The following ASS1 variants were observed in gnomAD, a reference collection of about 807,000 sequenced individuals.
ASS1 encodes argininosuccinate synthase 1.
Under a neutral mutation model 60.5 loss-of-function variants are expected in ASS1, and 58 were observed. That is an observed-to-expected ratio of 0.96 (90% CI 0.78 to 1.19). The LOEUF (loss-of-function observed/expected upper bound fraction) is 1.19, where lower values mean the gene tolerates loss of function less well. ASS1 is among the 50% of genes most tolerant of loss of function. The pLI is 0.00. For missense variants in ASS1, 454 were observed against 547.3 expected, an observed-to-expected ratio of 0.83 and a Z score of 1.70; for synonymous variants, 200 against 206.9, an observed-to-expected ratio of 0.97 and a Z score of 0.29.
At chr9:130,460,409 A>T (rs1457736792) in intron 4 of ASS1, among the ~76,000 whole-genome samples, 2 of 152,174 alleles carry the variant, frequency 1.3e-5, no homozygotes, top group African/African-American at 2.4e-5. Flanking sequence ...TCTTGGGCTC[A>T]TTGCGTACCT....
intron 3 of ASS1, among the ~76,000 whole-genome samples, chr9:130,456,376 G>T (rs1009405688): frequency 6.6e-6 from 1 of 152,104 alleles, no homozygotes; most frequent in Non-Finnish European, 1.5e-5. Context: ...TGAGGCAGGA[G>T]AGTCGCTTGA....
intron 2 of ASS1, among the ~76,000 whole-genome samples, chr9:130,452,877 C>A (rs1588471575): frequency 6.6e-6 from 1 of 152,236 alleles, no homozygotes; most frequent in Non-Finnish European, 1.5e-5. Flanking sequence ...TTCGACTGAA[C>A]CTGGCCACAG....
intron 8 of ASS1, among the ~76,000 whole-genome samples, chr9:130,474,381 T>C (rs1165834781): frequency 6.6e-6 from 1 of 152,110 alleles, no homozygotes; most frequent in Non-Finnish European, 1.5e-5. Context: ...CAGCCTCCAC[T>C]TCGGTCTGGG....
chr9:130,473,748 C>G (rs527763455), intron 8 of ASS1, among the ~76,000 whole-genome samples: 1 of 152,260 alleles, frequency 6.6e-6, no homozygotes, highest in African/African-American at 2.4e-5. Context: ...GATGGCTGAG[C>G]CATTTTCTGC....
At position 130,464,011 on chromosome 9, in the gene ASS1, G is replaced by A; in HGVS notation, c.364-100G>A. ...CTCACATGTGTACACGCTCTGCCCA[G>A]CTCTGTCTCCGCCACGGGCTGTCCT... is the stretch of plus-strand genomic sequence containing the variant. On this transcript the variant is annotated intron_variant, in intron 4 of 14. Coordinates refer to ENST00000352480, the MANE Select transcript of ASS1 (RefSeq NM_054012.4). The A allele has an allele frequency of 2.3e-6, 3 of 1,316,944 alleles. No individual in the cohort carries two copies. The South Asian group carries it at 3.6e-5, about 16-fold the overall frequency. The allele number at this position is 1,316,944 out of a possible 1,614,324, so 81.6% of individuals were successfully genotyped here. A position where few individuals can be genotyped will look rare whatever the true frequency, so the allele number is the denominator to read the frequency against.
chr9:130,454,270 G>C, intron 2 of ASS1, 35 bp from the exon 3 acceptor site: 1 of 1,599,988 alleles, frequency 6.3e-7, no homozygotes, highest in Middle Eastern at 2.2e-4. Flanking sequence ...GCTCCCCCCA[G>C]GGGCTGACGG....
intron 1 of ASS1, among the ~76,000 whole-genome samples, chr9:130,448,643 A>C (rs1455196766): frequency 6.6e-6 from 1 of 152,110 alleles, no homozygotes; most frequent in African/African-American, 2.4e-5. Flanking sequence ...GGCTCACTGC[A>C]ACCTTTACCT....
chr9:130,463,668 G>C (rs1421523089), intron 4 of ASS1, among the ~76,000 whole-genome samples: 1 of 152,202 alleles, frequency 6.6e-6, no homozygotes, highest in African/African-American at 2.4e-5. Flanking sequence ...GAGGTGACAG[G>C]GTTCCCAAAT....
At chr9:130,467,430 A>G (rs1477639407) in intron 6 of ASS1, among the ~76,000 whole-genome samples, 1 of 152,114 alleles carries the variant, frequency 6.6e-6, no homozygotes, top group East Asian at 1.9e-4. Flanking sequence ...GCCTCAATCA[A>G]TCAGGCCGGG....
In ASS1 at chr9:130,494,551, G is replaced by C. The variant is rs1460181994; in HGVS notation, c.971-316G>C. On this transcript the variant is annotated intron_variant, in intron 12 of 14. Transcript: ENST00000352480. The surrounding 1 kb of genome is among the most constrained non-coding windows in gnomAD (Gnocchi z 4.3). ...GGGTCCCTTTACCACTGTGTCCCCA[G>C]TTGCTGGCCTGTGGCACTTCCTGAA... 6.6e-6 allele frequency among the ~76,000 whole-genome samples: 1 copy of C among 152,244 alleles called. No homozygotes were observed. Among genetic ancestry groups the C allele is most frequent in the Non-Finnish European group, 1.5e-5 (1 of 68,044 alleles).
At chr9:130,492,696 A>G (rs767774251) in intron 12 of ASS1, among the ~76,000 whole-genome samples, 1 of 152,218 alleles carries the variant, frequency 6.6e-6, no homozygotes, top group Non-Finnish European at 1.5e-5. Context: ...TTCAGCAATA[A>G]AATGGGTATA....
chr9:130,476,511 G>A lies in ASS1; in HGVS notation c.598-360G>A, dbSNP rs1485475611. The A allele has an allele frequency of 4.7e-6, 2 of 422,146 alleles. No homozygotes were observed. The highest frequency in any genetic ancestry group is 7.1e-5 in the Admixed American group (2 of 28,286). The allele number at this position is 422,146 out of a possible 1,614,324, so 26.2% of individuals were successfully genotyped here. A position where few individuals can be genotyped will look rare whatever the true frequency, so the allele number is the denominator to read the frequency against. ...AAACCCCAATCCCGAGCCGGCGAGAGCGTGCGTGCCGCTCCTGGGAAGCCC... is the reference window on the plus strand; with the variant it reads ...AAACCCCAATCCCGAGCCGGCGAGAACGTGCGTGCCGCTCCTGGGAAGCCC... On this transcript the variant is annotated intron_variant, in intron 8 of 14. Coordinates refer to ENST00000352480, the MANE Select transcript of ASS1 (RefSeq NM_054012.4). The surrounding 1 kb of genome is among the most constrained non-coding windows in gnomAD (Gnocchi z 4.9).
chr9:130,479,657 G>T, intron 9 of ASS1, 59 bp from the exon 10 acceptor site: 2 of 1,379,418 alleles, frequency 1.4e-6, no homozygotes, highest in Non-Finnish European at 2.1e-6. Context: ...GGGGTGGCGG[G>T]TGCAGACTCC....
intron 3 of ASS1, among the ~76,000 whole-genome samples, chr9:130,457,525 C>A (rs1180058774): frequency 6.6e-6 from 1 of 152,152 alleles, no homozygotes; most frequent in African/African-American, 2.4e-5. Context: ...TCATTGGGAA[C>A]CCCTGGGGGT....
Position 130,470,937 on chromosome 9 carries a change from C to G in ASS1, c.566+33C>G, listed in dbSNP as rs1249558277. The G allele has an allele frequency of 1.2e-6, 2 of 1,609,970 alleles. No homozygotes were observed. The highest frequency in any genetic ancestry group is 1.7e-6 in the Non-Finnish European group (2 of 1,176,524). On this transcript the variant is annotated intron_variant, in intron 7 of 14. Coordinates refer to ENST00000352480, the MANE Select transcript of ASS1 (RefSeq NM_054012.4). The surrounding 1 kb of genome is among the most constrained non-coding windows in gnomAD (Gnocchi z 4.3). ...CCACCCTCCACCCATCCTTGGTCCT[C>G]CCGGGCTCATTCCAAAGGACGGCCA...
intron 6 of ASS1, among the ~76,000 whole-genome samples, chr9:130,469,867 G>T (rs1276929423): frequency 1.3e-5 from 2 of 152,188 alleles, no homozygotes; most frequent in African/African-American, 4.8e-5. Flanking sequence ...CCCGGTGGGG[G>T]CTGCCTGTGG....
At chr9:130,490,434 C>T (rs999755864) in intron 12 of ASS1, among the ~76,000 whole-genome samples, 1 of 152,150 alleles carries the variant, frequency 6.6e-6, no homozygotes, top group Non-Finnish European at 1.5e-5. Context: ...CTGCCTGAGC[C>T]TGCTGAGTGA....
At chr9:130,451,997 TC>T (rs1354182315) in intron 1 of ASS1, 2 of 669,614 alleles carry the variant, frequency 3.0e-6, no homozygotes, top group Non-Finnish European at 5.5e-6. Context: ...CAGTCAGCAT[TC>T]CCAGGCCCCA....
chr9:130,465,503 G>A (rs1051707167), intron 5 of ASS1, among the ~76,000 whole-genome samples: 4 of 152,198 alleles, frequency 2.6e-5, no homozygotes, highest in African/African-American at 9.7e-5. Flanking sequence ...TGTGCTGCAT[G>A]CAGGCATGTC....
Sources: gnomAD v4.1 joint callset for allele counts (sites outside exome capture counted in the v4.1 genomes callset) on GRCh38, gnomAD v4.1.1 for gene constraint, Gnocchi (gnomAD v3.1) non-coding constraint, MANE v1.5 for transcripts, NCBI Gene and HGNC (gene_info 2026-07-23, HGNC 2026-07-21) for gene names.